The following ZDHHC11B variants were observed in gnomAD, a reference collection of about 807,000 sequenced individuals.
The protein encoded by ZDHHC11B is zDHHC palmitoyltransferase 11B (putative).
Under a neutral mutation model 42.3 loss-of-function variants are expected in ZDHHC11B, and 17 were observed. The ratio of observed to expected loss-of-function variants is 0.40; its 90% CI spans 0.27 to 0.60. The LOEUF (loss-of-function observed/expected upper bound fraction) is 0.60, where lower values mean the gene tolerates loss of function less well. Ranked by LOEUF, ZDHHC11B falls within the 20% of genes least tolerant of loss-of-function variation. The pLI is 0.41. For missense variants in ZDHHC11B, 262 were observed against 463.2 expected (o/e 0.57, Z 3.99); for synonymous variants, 123 against 193.5 (o/e 0.64, Z 3.02).
intron 10 of ZDHHC11B, among the ~76,000 whole-genome samples, chr5:736,945 A>C (rs1743591860): frequency 7.4e-6 from 1 of 135,994 alleles, no homozygotes; most frequent in Non-Finnish European, 1.6e-5. Context: ...AACCCAACAG[A>C]AGAAAAGTAA....
At chr5:712,680 C>T (rs1181411721) in intron 13 of ZDHHC11B, among the ~76,000 whole-genome samples, 6 of 150,836 alleles carry the variant, frequency 4.0e-5, no homozygotes, top group East Asian at 2.0e-4. Context: ...GAGTCCGAGG[C>T]GGGTGGATCA....
chr5:730,953 T>A (rs568268844), intron 11 of ZDHHC11B, among the ~76,000 whole-genome samples: 4 of 152,058 alleles, frequency 2.6e-5, no homozygotes, highest in African/African-American at 9.7e-5. Context: ...ACTTCCAGCC[T>A]GCAGATATGT....
intron 7 of ZDHHC11B, among the ~76,000 whole-genome samples, chr5:749,438 C>T (rs1168990628): frequency 1.5e-5 from 2 of 130,006 alleles, no homozygotes; most frequent in African/African-American, 5.0e-5. Flanking sequence ...GTGACGGACC[C>T]TCTCTGGAAC....
chr5:712,706 G>A (rs1434456855), intron 13 of ZDHHC11B, among the ~76,000 whole-genome samples: 12 of 151,208 alleles, frequency 7.9e-5, no homozygotes, highest in African/African-American at 2.7e-4. Context: ...TCAGGAGATC[G>A]AGACCTTCCT....
intron 4 of ZDHHC11B, among the ~76,000 whole-genome samples, chr5:758,178 AC>A (rs1338990639): frequency 6.6e-6 from 1 of 151,814 alleles, no homozygotes; most frequent in Non-Finnish European, 1.5e-5. Context: ...GAGCCTTGGG[AC>A]GCTATCGGTG....
At chr5:779,691 TA>T (rs1215186261) in intron 1 of ZDHHC11B, among the ~76,000 whole-genome samples, 2 of 151,510 alleles carry the variant, frequency 1.3e-5, no homozygotes, top group Admixed American at 6.6e-5. Context: ...TTTGGGAAGG[TA>T]ATGCAAAAGA....
intron 1 of ZDHHC11B, among the ~76,000 whole-genome samples, chr5:777,187 G>A (rs529384174): frequency 2.0e-5 from 3 of 152,022 alleles, no homozygotes; most frequent in Admixed American, 6.6e-5. Flanking sequence ...TGGGTTCGTG[G>A]TCTCGCTGAC....
intron 9 of ZDHHC11B, among the ~76,000 whole-genome samples, chr5:742,624 T>C (rs454805): frequency 0.77 from 114,099 of 148,616 alleles, 43,469 homozygotes; most frequent in Middle Eastern, 0.86. Flanking sequence ...TTAATTCAGA[T>C]ACATAGTTTT....
At chr5:756,574 A>C (rs1350441106) in intron 4 of ZDHHC11B, among the ~76,000 whole-genome samples, 1 of 151,700 alleles carries the variant, frequency 6.6e-6, no homozygotes, top group Non-Finnish European at 1.5e-5. Flanking sequence ...AGGCTCAGTC[A>C]GCCCAGCCAA....
intron 3 of ZDHHC11B, 57 bp downstream of exon 3, chr5:767,335 A>G: frequency 3.9e-6 from 6 of 1,553,894 alleles, no homozygotes; most frequent in Non-Finnish European, 4.4e-6. Context: ...CGGGTCCCAC[A>G]CCAGGGCGCA....
At chr5:753,812 C>T (rs1292726649) in intron 6 of ZDHHC11B, among the ~76,000 whole-genome samples, 41 of 138,420 alleles carry the variant, frequency 3.0e-4, no homozygotes, top group Non-Finnish European at 5.9e-4. Context: ...GGAGGCAGGG[C>T]AGGGACCCCC....
rs1204773863 is a variant in ZDHHC11B at position 733,063 on chromosome 5, A to T, written c.1023+689T>A. Among the ~76,000 whole-genome samples the T allele has an allele frequency of 4.6e-5, 7 of 151,692 alleles. 1 individual carries two copies. The highest frequency in any genetic ancestry group is 1.0e-4 in the Non-Finnish European group (7 of 67,960). On this transcript the variant is annotated intron_variant, in intron 11 of 13. Coordinates refer to ENST00000508859, the MANE Select transcript of ZDHHC11B (RefSeq NM_001351303.2). The stretch of plus-strand genomic sequence containing the variant: ...TGGAGTGAGATCTCATCTCTAAAAA[A>T]TAAATAATGACCCAGCAGAAACCAC...
chr5:772,092 A>G (rs1425588368), intron 1 of ZDHHC11B, among the ~76,000 whole-genome samples: 2 of 151,896 alleles, frequency 1.3e-5, no homozygotes, highest in Non-Finnish European at 2.9e-5. Flanking sequence ...CAAATAAGCA[A>G]TGACACATCA....
intron 4 of ZDHHC11B, among the ~76,000 whole-genome samples, chr5:764,240 C>T (rs1258758701): frequency 3.3e-5 from 5 of 151,964 alleles, no homozygotes; most frequent in Non-Finnish European, 7.4e-5. Context: ...CCTGGCAGCC[C>T]TCGCTCACTC....
chr5:760,137 G>A (rs560658543), intron 4 of ZDHHC11B, among the ~76,000 whole-genome samples: 5 of 151,808 alleles, frequency 3.3e-5, no homozygotes, highest in East Asian at 1.9e-4. Context: ...ACGCGTGGCC[G>A]AGCCACGGGC....
intron 12 of ZDHHC11B, among the ~76,000 whole-genome samples, chr5:725,470 C>A (rs1742526397): frequency 7.5e-6 from 1 of 133,368 alleles, no homozygotes; most frequent in Non-Finnish European, 1.6e-5. Flanking sequence ...GGAATGCTTA[C>A]AATTAGTCAA....
In ZDHHC11B at chr5:754,422, C is replaced by T. The variant is rs1400138915; in HGVS notation, c.503+576G>A. On this transcript the variant is annotated intron_variant, in intron 6 of 13. Transcript: ENST00000508859. ...CCATGCTCAGGAGAAACACCTCTCG[C>T]CTGTGAGCCTCCACCATGCTCAGGG... Among the ~76,000 whole-genome samples, 3 of 126,066 alleles carry T rather than the reference C, an allele frequency of 2.4e-5. No individual in the cohort carries two copies. The East Asian group carries it at 1.0e-3, about 42-fold the overall frequency. 82.7% of individuals were successfully genotyped at this position (126,066 alleles called of 152,430 possible). A position where few individuals can be genotyped will look rare whatever the true frequency, so the allele number is the denominator to read the frequency against.
At chr5:772,446 G>T (rs1257557564) in intron 1 of ZDHHC11B, among the ~76,000 whole-genome samples, 1 of 151,922 alleles carries the variant, frequency 6.6e-6, no homozygotes, top group Non-Finnish European at 1.5e-5. Context: ...CTTCGGGCTG[G>T]GACTTGGATA....
At chr5:732,074 C>T (rs1743059938) in intron 11 of ZDHHC11B, 1 of 152,612 alleles carries the variant, frequency 6.6e-6, no homozygotes, top group Non-Finnish European at 1.5e-5. Context: ...ACAATGCTGT[C>T]TGCAGCCCTG....
Sources: gnomAD v4.1 joint callset for allele counts (sites outside exome capture counted in the v4.1 genomes callset) on GRCh38, gnomAD v4.1.1 for gene constraint, MANE v1.5 for transcripts, NCBI Gene and HGNC (gene_info 2026-07-23, HGNC 2026-07-21) for gene names.